The following HNRNPC variants were observed in gnomAD, a reference collection of about 807,000 sequenced individuals.
HNRNPC encodes heterogeneous nuclear ribonucleoprotein C.
In HNRNPC, 3 loss-of-function variants were observed where a neutral mutation model predicts 33.2. The ratio of observed to expected loss-of-function variants is 0.09; its 90% confidence interval spans 0.04 to 0.23. The LOEUF is 0.23. HNRNPC is among the 10% of genes least tolerant of loss of function. The probability of loss-of-function intolerance (pLI) is 1.00; values close to 1 mark genes in which losing one functional copy is unlikely to be tolerated. For synonymous variants in HNRNPC, 121 were observed against 126.7 expected, an observed-to-expected ratio of 0.96 and a Z score of 0.30; for missense variants, 143 against 366.7, an observed-to-expected ratio of 0.39 and a Z score of 4.98.
rs1891535782 is a variant in HNRNPC, at chr14:21,211,032, C to T, written c.*191G>A. ...TAAGACTTAACAAAACTACTAGGAG[C>T]GTCAAAGGAAGTGAAAATGGGACTA... On this transcript the variant is annotated 3_prime_UTR_variant, in exon 9 of 9. Transcript: ENST00000553300. The T allele has an allele frequency of 1.1e-5, 7 of 610,222 alleles. No individual in the cohort carries two copies. Among genetic ancestry groups the T allele is most frequent in the Non-Finnish European group, 1.2e-5 (4 of 347,542 alleles). The allele number at this position is 610,222 out of a possible 1,614,324, so 37.8% of individuals were successfully genotyped here. A position where few individuals can be genotyped will look rare whatever the true frequency, so the allele number is the denominator to read the frequency against.
At chr14:21,264,076 T>C (rs1257529471) in intron 1 of HNRNPC, 1 of 151,914 alleles carries the variant, frequency 6.6e-6, no homozygotes, top group Non-Finnish European at 1.5e-5. Flanking sequence ...TCAAAAAGAG[T>C]ATATCCCAAA....
At chr14:21,212,821 G>T in intron 6 of HNRNPC, 139 bp downstream of exon 6, 1 of 1,087,956 alleles carries the variant, frequency 9.2e-7, no homozygotes, top group African/African-American at 1.6e-5. Flanking sequence ...GGGATTACAG[G>T]CATGAGCCAC....
intron 2 of HNRNPC, among the ~76,000 whole-genome samples, chr14:21,260,678 T>C (rs964226825): frequency 6.6e-6 from 1 of 151,442 alleles, no homozygotes; most frequent in African/African-American, 2.4e-5. Context: ...AATAGAAAAA[T>C]TTAAGGCCAG....
rs1341365476 is a variant in HNRNPC at position 21,218,735 on chromosome 14, C to T, written c.366-5618G>A. Among the ~76,000 whole-genome samples, 3 of 141,228 alleles carry T rather than the reference C, an allele frequency of 2.1e-5. No homozygotes were observed. The East Asian group carries it at 6.5e-4, about 31-fold the overall frequency. 92.7% of individuals were successfully genotyped at this position (141,228 alleles called of 152,430 possible). ...TGAAATTGAGTCACATGCAGTGGCT[C>T]TCATGTGTAATCCCAGCACTTTGGA... On this transcript the variant is annotated intron_variant, in intron 5 of 8. Transcript: ENST00000553300.
chr14:21,212,782 G>T (rs1891760345), intron 6 of HNRNPC, among the ~76,000 whole-genome samples, 178 bp downstream of exon 6: 1 of 152,042 alleles, frequency 6.6e-6, no homozygotes, highest in Non-Finnish European at 1.5e-5. Flanking sequence ...GACCTCAGCT[G>T]ATCCACCCGC....
At chr14:21,245,345 A>T (rs1426022012) in intron 2 of HNRNPC, among the ~76,000 whole-genome samples, 1 of 151,876 alleles carries the variant, frequency 6.6e-6, no homozygotes, top group Non-Finnish European at 1.5e-5. Flanking sequence ...AAAATACAAA[A>T]ATTAGCCAAG....
At chr14:21,259,017 T>C (rs1004631319) in intron 2 of HNRNPC, among the ~76,000 whole-genome samples, 1 of 152,216 alleles carries the variant, frequency 6.6e-6, no homozygotes, top group Admixed American at 6.5e-5. Context: ...AGATTCTACT[T>C]GTGCCCAAGA....
At chr14:21,247,328 CCCTCT>C (rs1370880388) in intron 2 of HNRNPC, among the ~76,000 whole-genome samples, 12 of 152,094 alleles carry the variant, frequency 7.9e-5, no homozygotes, top group African/African-American at 2.9e-4. Context: ...TATAAACAAC[CCCTCT>C]CAATTATGTA....
chr14:21,262,383 T>A (rs1878392822), intron 2 of HNRNPC, among the ~76,000 whole-genome samples: 2 of 152,226 alleles, frequency 1.3e-5, no homozygotes, highest in Admixed American at 1.3e-4. Context: ...TTTCCAAGTA[T>A]CCAAAATGTT....
At chr14:21,253,461 CAAAAAA>C (rs71112561) in intron 2 of HNRNPC, among the ~76,000 whole-genome samples, 855 of 77,272 alleles carry the variant, frequency 0.011, 6 homozygotes, top group African/African-American at 0.029. Flanking sequence ...GACTCCATCT[CAAAAAA>C]AAAAAAAAAA....
intron 2 of HNRNPC, among the ~76,000 whole-genome samples, chr14:21,241,845 ATTACT>A: frequency 6.6e-6 from 1 of 152,360 alleles, no homozygotes; most frequent in South Asian, 2.1e-4. Flanking sequence ...ACCTGGGGAT[ATTACT>A]AAGACATTTT....
At chr14:21,212,928 A>G (rs764296136) in intron 6 of HNRNPC, 32 bp downstream of exon 6, 2 of 1,612,098 alleles carry the variant, frequency 1.2e-6, no homozygotes, top group South Asian at 2.2e-5. Flanking sequence ...AACACAAGAG[A>G]TACCAAAATC....
intron 5 of HNRNPC, among the ~76,000 whole-genome samples, chr14:21,215,240 T>C (rs560503624): frequency 6.6e-6 from 1 of 152,196 alleles, no homozygotes; most frequent in African/African-American, 2.4e-5. Flanking sequence ...TCTGAGGAAG[T>C]AGTCCTTGCC....
At chr14:21,246,919 T>G (rs1896041930) in intron 2 of HNRNPC, among the ~76,000 whole-genome samples, 1 of 152,214 alleles carries the variant, frequency 6.6e-6, no homozygotes, top group African/African-American at 2.4e-5. Flanking sequence ...TAATAACTTT[T>G]TCTTTTCACT....
intron 2 of HNRNPC, among the ~76,000 whole-genome samples, chr14:21,254,286 G>A (rs988791465): frequency 5.3e-5 from 8 of 151,960 alleles, no homozygotes; most frequent in Non-Finnish European, 1.0e-4. Flanking sequence ...GTACCATGTA[G>A]TATTATAGAG....
intron 2 of HNRNPC, among the ~76,000 whole-genome samples, chr14:21,259,862 A>G (rs1248011777): frequency 2.0e-5 from 3 of 147,298 alleles, no homozygotes; most frequent in Non-Finnish European, 3.0e-5. Context: ...CCTGGGAAAC[A>G]AAATGAGACC....
Position 21,231,364 on chromosome 14 carries a change from C to T in HNRNPC, c.242-292G>A, listed in dbSNP as rs1268247972. On this transcript the variant is annotated intron_variant, in intron 3 of 8. Coordinates refer to ENST00000553300, the MANE Select transcript of HNRNPC (RefSeq NM_004500.4). ...AATTAGAAAATGTGGAACAAAACAA[C>T]TCATCTTTCCTTAAGACACTGTCTC... 2.0e-5 allele frequency: 10 copies of T among 507,922 alleles called. No individual in the cohort carries two copies. The East Asian group carries it at 4.4e-4, about 22-fold the overall frequency. 31.5% of individuals were successfully genotyped at this position (507,922 alleles called of 1,614,324 possible).
intron 5 of HNRNPC, among the ~76,000 whole-genome samples, chr14:21,217,234 A>C (rs987282807): frequency 1.3e-5 from 2 of 152,234 alleles, no homozygotes; most frequent in Non-Finnish European, 2.9e-5. Flanking sequence ...CTTAAAAATA[A>C]ATCAACCAGC....
intron 2 of HNRNPC, among the ~76,000 whole-genome samples, chr14:21,253,856 C>T (rs1027567856): frequency 2.0e-5 from 3 of 151,702 alleles, no homozygotes; most frequent in African/African-American, 7.3e-5. Flanking sequence ...ACGAGGTCAG[C>T]AAATCGACAC....
Sources: gnomAD v4.1 joint callset for allele counts (sites outside exome capture counted in the v4.1 genomes callset) on GRCh38, gnomAD v4.1.1 for gene constraint, MANE v1.5 for transcripts, NCBI Gene and HGNC (gene_info 2026-07-23, HGNC 2026-07-21) for gene names.